Variants in CDH13 observed in about 807,000 individuals in gnomAD.
The protein encoded by CDH13 is cadherin-13.
CDH13 carries 24 observed loss-of-function variants against 63.8 expected under a neutral mutation model. That is an observed-to-expected ratio of 0.38 (90% CI 0.27 to 0.53). CDH13 has a LOEUF of 0.53. Among genes scored for constraint, CDH13 ranks in the 20% least tolerant of loss-of-function variants. The probability of loss-of-function intolerance (pLI) is 0.85; values close to 1 mark genes in which losing one functional copy is unlikely to be tolerated. For synonymous variants in CDH13, 503 were observed against 355.3 expected (o/e 1.42, Z -4.67); for missense variants, 1,049 against 903.1 (o/e 1.16, Z -2.07).
At chr16:83,070,548 C>A (rs1013075384) in intron 3 of CDH13, among the ~76,000 whole-genome samples, 8 of 152,064 alleles carry the variant, frequency 5.3e-5, no homozygotes, top group African/African-American at 1.9e-4. Flanking sequence ...AAAAAACTAT[C>A]TTGGTGATAA....
At chr16:82,628,236 G>T (rs1455015758) in intron 1 of CDH13, among the ~76,000 whole-genome samples, 1 of 152,182 alleles carries the variant, frequency 6.6e-6, no homozygotes, top group East Asian at 1.9e-4. Context: ...CTGGCAGCCT[G>T]CAAGTGGGTG....
chr16:83,779,406 CAAAA>C (rs144757645), intron 11 of CDH13, among the ~76,000 whole-genome samples: 51 of 82,512 alleles, frequency 6.2e-4, no homozygotes, highest in African/African-American at 2.7e-3. Context: ...GACTCCATCT[CAAAA>C]AAAAAAAAAA....
At chr16:82,932,242 C>G (rs979848711) in intron 2 of CDH13, among the ~76,000 whole-genome samples, 1 of 152,138 alleles carries the variant, frequency 6.6e-6, no homozygotes, top group South Asian at 2.1e-4. Flanking sequence ...AACATTGACA[C>G]ACACTTATTC....
intron 2 of CDH13, among the ~76,000 whole-genome samples, chr16:82,874,923 A>G (rs72790105): frequency 0.043 from 6,606 of 152,266 alleles, 224 homozygotes; most frequent in Non-Finnish European, 0.071. Flanking sequence ...ATGGATACTC[A>G]TGGGGATGTG....
At chr16:83,560,899 G>GCCCCCC (rs138383978) in intron 7 of CDH13, among the ~76,000 whole-genome samples, 16 of 148,460 alleles carry the variant, frequency 1.1e-4, no homozygotes, top group African/African-American at 2.2e-4. Context: ...CATAAGGTTG[G>GCCCCCC]CCCCCCCCCC....
chr16:83,217,041 TAAAAA>T (rs1036587568), intron 4 of CDH13, among the ~76,000 whole-genome samples: 4 of 152,144 alleles, frequency 2.6e-5, no homozygotes, highest in African/African-American at 9.7e-5. Flanking sequence ...TTCGTGGAGT[TAAAAA>T]TAATAAAATG....
chr16:83,388,208 C>T (rs894326944), intron 6 of CDH13, among the ~76,000 whole-genome samples: 4 of 150,406 alleles, frequency 2.7e-5, no homozygotes, highest in African/African-American at 9.8e-5. Context: ...GATCTCAGCA[C>T]TTTGGGAGGC....
chr16:82,868,802 AT>A (rs1357131442), intron 2 of CDH13, among the ~76,000 whole-genome samples: 1 of 152,212 alleles, frequency 6.6e-6, no homozygotes, highest in Admixed American at 6.5e-5. Context: ...GAAATTCCCA[AT>A]TTCTGGGTAG....
intron 6 of CDH13, among the ~76,000 whole-genome samples, chr16:83,435,893 C>G (rs1015850665): frequency 1.3e-5 from 2 of 152,168 alleles, no homozygotes; most frequent in African/African-American, 4.8e-5. Context: ...AACACCAGGC[C>G]TGGTACATAG....
At chr16:83,511,820 C>G (rs952429836) in intron 7 of CDH13, among the ~76,000 whole-genome samples, 1 of 152,056 alleles carries the variant, frequency 6.6e-6, no homozygotes, top group Non-Finnish European at 1.5e-5. Flanking sequence ...GAAATAAGCC[C>G]GACACCCATA....
At chr16:83,497,597 C>T (rs1394239744) in intron 7 of CDH13, among the ~76,000 whole-genome samples, 2 of 151,786 alleles carry the variant, frequency 1.3e-5, no homozygotes, top group Admixed American at 1.3e-4. Flanking sequence ...ACCAGCATGG[C>T]ACATGTATAC....
chr16:82,662,017 G>A lies in CDH13; in HGVS notation c.45+34880G>A, dbSNP rs536190879. On this transcript the variant is annotated intron_variant, in intron 1 of 13. Transcript: ENST00000567109. ...AGGGCTCCTTTGTCACAGGCGGCTAGTGGTTCTCATGTGCAGATGTAGGAC... is the reference window on the plus strand; with the variant it reads ...AGGGCTCCTTTGTCACAGGCGGCTAATGGTTCTCATGTGCAGATGTAGGAC... Among the ~76,000 whole-genome samples the A allele has an allele frequency of 1.8e-3, 269 of 152,314 alleles. 2 individuals are homozygous for A. Among genetic ancestry groups the A allele is most frequent in the African/African-American group, 6.4e-3 (265 of 41,566 alleles).
chr16:83,465,090 G>T (rs1346470745), intron 6 of CDH13, among the ~76,000 whole-genome samples: 1 of 152,186 alleles, frequency 6.6e-6, no homozygotes, highest in Admixed American at 6.5e-5. Context: ...GGCAGACAAA[G>T]TCCCCCCATC....
intron 8 of CDH13, among the ~76,000 whole-genome samples, chr16:83,658,719 C>T (rs1262783534): frequency 4.0e-5 from 6 of 150,504 alleles, no homozygotes; most frequent in African/African-American, 1.2e-4. Context: ...CCAGCAAGGT[C>T]TCATGTCCTC....
chr16:83,031,258 CCATATACATGCG>C, intron 2 of CDH13, among the ~76,000 whole-genome samples: 1 of 145,976 alleles, frequency 6.9e-6, no homozygotes, highest in African/African-American at 2.5e-5. Flanking sequence ...CATGTATACA[CCATATACATGCG>C]CATGTATACA....
chr16:82,876,922 T>TC (rs1437226059), intron 2 of CDH13, among the ~76,000 whole-genome samples: 14 of 152,176 alleles, frequency 9.2e-5, no homozygotes, highest in African/African-American at 3.4e-4. Flanking sequence ...CTGGGAACTA[T>TC]CTCAAGCGTC....
At chr16:83,337,252 A>G (rs1164654232) in intron 5 of CDH13, among the ~76,000 whole-genome samples, 5 of 152,186 alleles carry the variant, frequency 3.3e-5, no homozygotes, top group African/African-American at 1.2e-4. Flanking sequence ...CAGTATGGAA[A>G]GAGAGTAGAG....
At chr16:83,700,026 G>A (rs1195906877) in intron 10 of CDH13, among the ~76,000 whole-genome samples, 2 of 152,168 alleles carry the variant, frequency 1.3e-5, no homozygotes, top group African/African-American at 4.8e-5. Flanking sequence ...GATCGTGCAT[G>A]TGTCTAGCAT....
intron 5 of CDH13, among the ~76,000 whole-genome samples, chr16:83,318,771 G>A (rs946587904): frequency 5.3e-5 from 8 of 152,016 alleles, no homozygotes; most frequent in African/African-American, 9.7e-5. Flanking sequence ...ACTGGTATTC[G>A]GATAAAAGCA....
Sources: gnomAD v4.1 joint callset for allele counts (sites outside exome capture counted in the v4.1 genomes callset) on GRCh38, gnomAD v4.1.1 for gene constraint, MANE v1.5 for transcripts, NCBI Gene and HGNC (gene_info 2026-07-23, HGNC 2026-07-21) for gene names.